The following SMARCAL1 variants were observed in gnomAD, a reference collection of about 807,000 sequenced individuals.
The protein encoded by SMARCAL1 is ATP-driven annealing helicase.
In SMARCAL1, 58 loss-of-function variants were observed where a neutral mutation model predicts 94.5. The ratio of observed to expected loss-of-function variants is 0.61; its 90% CI spans 0.50 to 0.76. The LOEUF (loss-of-function observed/expected upper bound fraction) is 0.76. Ranked by LOEUF, SMARCAL1 falls within the 30% of genes least tolerant of loss-of-function variation. The pLI, the probability that SMARCAL1 is intolerant of heterozygous loss-of-function variation, is 0.00. For missense variants in SMARCAL1, 1,051 were observed against 1,177.9 expected (o/e 0.89, Z 1.58); for synonymous variants, 422 against 455.1 (o/e 0.93, Z 0.93).
rs771188204 is a variant in SMARCAL1, at chr2:216,450,862, A to G, written c.1868A>G (p.Asp623Gly). ...TCTCTGCAGATGCCTTGGGGGTGGG[A>G]CTACTCAGGTTCCTCCAACCTGGGA... ...CDAKRMPWGW[D>G]YSGSSNLGEL... The change falls in exon 12 of 18, where the codon GAC becomes GGC. Residue 623 changes from aspartate to glycine, a missense_variant. Physicochemically the swap from Asp to Gly is moderately conservative, Grantham distance 94. This residue lies in a region of SMARCAL1 where 642 missense variants were observed against 754.7 expected (regional missense o/e 0.85). Transcript: ENST00000357276. The G allele has an allele frequency of 6.2e-7, 1 of 1,613,868 alleles. No homozygotes were observed. The highest frequency in any genetic ancestry group is 1.3e-5 in the African/African-American group (1 of 75,026).
Position 216,482,099 on chromosome 2 carries a change from G to A in SMARCAL1, c.2626-639G>A, listed in dbSNP as rs909517169. The stretch of plus-strand genomic sequence containing the variant: ...CTACTTATGAATATGTTAAATGTGT[G>A]TATGTTTTTTCAACTACTTTGAAAA... On this transcript the variant is annotated intron_variant, in intron 17 of 17. Coordinates refer to ENST00000357276, the MANE Select transcript of SMARCAL1 (RefSeq NM_014140.4). The surrounding 1 kb of genome is among the most constrained non-coding windows in gnomAD (Gnocchi z 4.3). 2.0e-5 allele frequency among the ~76,000 whole-genome samples: 3 copies of A among 152,258 alleles called. No individual in the cohort carries two copies. In the East Asian group the frequency reaches 5.8e-4, roughly 29 times the overall value.
At chr2:216,451,094 A>G (rs1364141559) in intron 12 of SMARCAL1, 30 bp downstream of exon 12, 2 of 1,561,046 alleles carry the variant, frequency 1.3e-6, no homozygotes, top group Non-Finnish European at 1.8e-6. Flanking sequence ...CAGATTTGGA[A>G]GCAGACATGT....
intron 11 of SMARCAL1, among the ~76,000 whole-genome samples, chr2:216,447,435 G>A (rs1694343659): frequency 6.6e-6 from 1 of 152,148 alleles, no homozygotes; most frequent in Admixed American, 6.5e-5. Flanking sequence ...GGTATGTGGA[G>A]CTCTGAGAGC....
At position 216,464,627 on chromosome 2, in the gene SMARCAL1, T is replaced by G. The variant is rs1694788638; in HGVS notation, c.2101T>G (p.Phe701Val). ...GCAGCAGAAAGATGCCCTCATTCTCTTCTTCAACAGAACAGCTGAAGCTAA... is the reference window on the plus strand; with the variant it reads ...GCAGCAGAAAGATGCCCTCATTCTCGTCTTCAACAGAACAGCTGAAGCTAA... ...KQQQKDALIL[F>V]FNRTAEAKIP... The change falls in exon 13 of 18, where the codon TTC (phenylalanine) becomes GTC (valine). Residue 701 changes from phenylalanine to valine, a missense_variant. This residue lies in a region of SMARCAL1 where 642 missense variants were observed against 754.7 expected (regional missense o/e 0.85). Coordinates refer to ENST00000357276, the MANE Select transcript of SMARCAL1 (RefSeq NM_014140.4). 3 of 1,613,756 alleles carry G rather than the reference T, an allele frequency of 1.9e-6. No individual in the cohort carries two copies. In the East Asian group the frequency reaches 6.7e-5, roughly 36 times the overall value.
chr2:216,478,795 AG>A (rs1196295055), intron 17 of SMARCAL1, among the ~76,000 whole-genome samples: 1 of 152,248 alleles, frequency 6.6e-6, no homozygotes, highest in African/African-American at 2.4e-5. Context: ...ACAAAGTCAC[AG>A]GGCATGTGAA....
rs763369356 is a variant in SMARCAL1, at chr2:216,475,380, G to A, written c.2356G>A (p.Ala786Thr). ...TGCTGTGGCCGTGCTGTCCATCACC[G>A]CTGCCAATATGGGCCTCACCTTCTC... ...RHAVAVLSIT[A>T]ANMGLTFSSA... Residue 786 changes from alanine to threonine, a missense_variant, in exon 15 of 18, where the codon GCT (alanine) becomes ACT (threonine). Ala to Thr is a moderately conservative substitution (Grantham distance 58, BLOSUM62 0). This residue lies in a region of SMARCAL1 where 642 missense variants were observed against 754.7 expected (regional missense o/e 0.85). Coordinates refer to ENST00000357276, the MANE Select transcript of SMARCAL1 (RefSeq NM_014140.4). The surrounding 1 kb of genome is among the most constrained non-coding windows in gnomAD (Gnocchi z 4.4). 1.4e-5 allele frequency: 23 copies of A among 1,614,064 alleles called. No homozygotes were observed. Among genetic ancestry groups the A allele is most frequent in the Admixed American group, 5.0e-5 (3 of 60,000 alleles).
chr2:216,455,209 G>C (rs1280526504), intron 12 of SMARCAL1, among the ~76,000 whole-genome samples: 2 of 152,208 alleles, frequency 1.3e-5, no homozygotes, highest in African/African-American at 2.4e-5. Context: ...TGGGAAGCTC[G>C]AACTGGGTGG....
chr2:216,466,758 G>T (rs185463030), intron 13 of SMARCAL1, among the ~76,000 whole-genome samples: 1 of 152,086 alleles, frequency 6.6e-6, no homozygotes, highest in South Asian at 2.1e-4. Flanking sequence ...TGCTGTAGCC[G>T]TAAACTTTTT....
At chr2:216,478,003 T>C (rs778159649) in intron 16 of SMARCAL1, among the ~76,000 whole-genome samples, 200 bp from the exon 17 acceptor site, 3 of 152,186 alleles carry the variant, frequency 2.0e-5, no homozygotes, top group Non-Finnish European at 4.4e-5. Flanking sequence ...AACCTGATGA[T>C]ATTCTTAGCC....
intron 10 of SMARCAL1, among the ~76,000 whole-genome samples, chr2:216,439,330 G>T (rs1033157548): frequency 5.9e-5 from 9 of 152,214 alleles, no homozygotes; most frequent in Admixed American, 4.6e-4. Context: ...ATTATGGGGG[G>T]GGGGGATGAT....
In SMARCAL1 at chr2:216,432,886, T is replaced by G; in HGVS notation, c.1485+18T>G. ...GGGAGCAGGTTAATGGTCTTCAAATTGCAGTTTTCACAGAGAAGGTTTTCT... is the reference window on the plus strand; with the variant it reads ...GGGAGCAGGTTAATGGTCTTCAAATGGCAGTTTTCACAGAGAAGGTTTTCT... On this transcript the variant is annotated intron_variant, in intron 8 of 17. Coordinates refer to ENST00000357276, the MANE Select transcript of SMARCAL1 (RefSeq NM_014140.4). 1 of 1,614,138 alleles carries G rather than the reference T, an allele frequency of 6.2e-7. No individual in the cohort carries two copies.
At chr2:216,470,491 CT>C (rs34225191) in intron 14 of SMARCAL1, among the ~76,000 whole-genome samples, 526 of 142,570 alleles carry the variant, frequency 3.7e-3, no homozygotes, top group African/African-American at 4.1e-3. Context: ...CCAACTAGAT[CT>C]TTTTTTTTTT....
intron 12 of SMARCAL1, among the ~76,000 whole-genome samples, chr2:216,454,150 A>T (rs1278921128): frequency 6.6e-6 from 1 of 152,214 alleles, no homozygotes; most frequent in South Asian, 2.1e-4. Context: ...ACTCCATTGG[A>T]TCTAATTTAA....
intron 7 of SMARCAL1, among the ~76,000 whole-genome samples, chr2:216,429,857 T>G (rs556680065): frequency 6.6e-6 from 1 of 152,294 alleles, no homozygotes; most frequent in South Asian, 2.1e-4. Context: ...TAGCACACTC[T>G]GCAAAACCTC....
At chr2:216,436,221 G>C (rs1354771809) in intron 9 of SMARCAL1, among the ~76,000 whole-genome samples, 4 of 152,218 alleles carry the variant, frequency 2.6e-5, no homozygotes, top group Middle Eastern at 3.4e-3. Context: ...CACCCACCTT[G>C]GCCTCCCAAA....
intron 13 of SMARCAL1, among the ~76,000 whole-genome samples, chr2:216,467,470 CAAAAA>C (rs34678979): frequency 2.1e-5 from 1 of 47,832 alleles, no homozygotes; most frequent in African/African-American, 6.2e-5. Flanking sequence ...AACTCAGTCT[CAAAAA>C]AAAAAAAAAA....
chr2:216,446,116 CT>C (rs999032883), intron 10 of SMARCAL1, among the ~76,000 whole-genome samples: 72 of 148,466 alleles, frequency 4.8e-4, no homozygotes, highest in Admixed American at 3.0e-3. Flanking sequence ...GGAAGAGTCT[CT>C]TTTTTTTTTT....
At chr2:216,467,198 C>T (rs180834481) in intron 13 of SMARCAL1, among the ~76,000 whole-genome samples, 60 of 152,192 alleles carry the variant, frequency 3.9e-4, no homozygotes, top group Non-Finnish European at 7.1e-4. Flanking sequence ...TTGCCGGGTG[C>T]GGTGGCTCAC....
chr2:216,482,802 T>C lies in SMARCAL1; in HGVS notation c.2690T>C (p.Met897Thr), dbSNP rs140370927. 9 of 1,614,064 alleles carry C rather than the reference T, an allele frequency of 5.6e-6. No individual in the cohort carries two copies. Among genetic ancestry groups the C allele is most frequent in the South Asian group, 3.3e-5 (3 of 91,084 alleles). Residue 897 changes from methionine (M) to threonine (T), a missense_variant, in exon 18 of 18, where the codon ATG (methionine) becomes ACG (threonine). By Grantham distance (81) the Met-to-Thr change is moderately conservative. Around this residue, in one of 3 missense-constraint regions of SMARCAL1, gnomAD observed 642 missense variants for 754.7 expected, o/e 0.85. Transcript: ENST00000357276. This position sits in a 1 kb window ranked among gnomAD's most constrained non-coding sequence, Gnocchi z 4.3. Reference protein sequence around the residue: ...QKSFEKEGSDMELLEAAESFD... With the variant: ...QKSFEKEGSDTELLEAAESFD... ...TCCTTTGAGAAAGAAGGAAGTGATA[T>C]GGAGCTCCTGGAAGCAGCAGAGTCC...
Sources: allele counts gnomAD v4.1 joint callset (sites outside exome capture counted in the v4.1 genomes callset), GRCh38; gene constraint gnomAD v4.1.1; regional missense constraint gnomAD v4.1.1; non-coding constraint Gnocchi (gnomAD v3.1); transcripts MANE v1.5; gene names NCBI Gene and HGNC (gene_info 2026-07-23, HGNC 2026-07-21).